Variants in ADAR observed in about 807,000 individuals in gnomAD.
The protein encoded by ADAR is adenosine deaminase RNA specific.
In ADAR, 41 loss-of-function variants were observed where a neutral mutation model predicts 113.2. The observed-to-expected ratio is 0.36, with a 90% CI of 0.28 to 0.47. ADAR has a LOEUF of 0.47. Among genes scored for constraint, ADAR ranks in the 20% least tolerant of loss-of-function variants. The probability of loss-of-function intolerance (pLI) is 1.00; values close to 1 mark genes in which losing one functional copy is unlikely to be tolerated. For synonymous variants in ADAR, 605 were observed against 572.6 expected (o/e 1.06, Z -0.81); for missense variants, 1,242 against 1,540.9 (o/e 0.81, Z 3.25).
intron 6 of ADAR, among the ~76,000 whole-genome samples, chr1:154,594,484 T>G (rs1300873427): frequency 6.6e-5 from 10 of 152,234 alleles, no homozygotes; most frequent in Admixed American, 6.5e-4. Flanking sequence ...GCCGGTTGCA[T>G]GGCAAGAGTG....
chr1:154,627,682 C>G (rs959538687), intron 1 of ADAR, among the ~76,000 whole-genome samples: 21 of 152,358 alleles, frequency 1.4e-4, no homozygotes, highest in African/African-American at 5.0e-4. Flanking sequence ...GCTGCCGAGA[C>G]CGGCCACTGT....
At chr1:154,586,856 T>C (rs1211028581) in intron 11 of ADAR, among the ~76,000 whole-genome samples, 7 of 151,946 alleles carry the variant, frequency 4.6e-5, no homozygotes, top group Admixed American at 4.6e-4. Context: ...GGACAGAGCA[T>C]ATGCGAGGGA....
Position 154,582,075 on chromosome 1 carries a change from CTTGT to C in ADAR, c.*2727_*2730del, listed in dbSNP as rs1273275103. 1 of 152,280 alleles carries C rather than the reference CTTGT, an allele frequency of 6.6e-6. No homozygotes were observed. Among genetic ancestry groups the C allele is most frequent in the Non-Finnish European group, 1.5e-5 (1 of 67,956 alleles). The allele number at this position is 152,280 out of a possible 1,614,324, so 9.4% of individuals were successfully genotyped here. On this transcript the variant is annotated 3_prime_UTR_variant, in exon 15 of 15. Coordinates refer to ENST00000368474, the MANE Select transcript of ADAR (RefSeq NM_001111.5). The stretch of plus-strand genomic sequence containing the variant: ...TTAAAACTTTCTAAGAATTCAGATT[CTTGT>C]TTTTTTTTTATTTATGAGGAATGTA...
chr1:154,587,531 C>A (rs1244605521), intron 11 of ADAR, among the ~76,000 whole-genome samples: 1 of 152,152 alleles, frequency 6.6e-6, no homozygotes, highest in Non-Finnish European at 1.5e-5. Flanking sequence ...AGCACCGGCT[C>A]CATGGTAACT....
chr1:154,583,338 A>G lies in ADAR; in HGVS notation c.*1468T>C, dbSNP rs945397798. 6 of 152,320 alleles carry G rather than the reference A, an allele frequency of 3.9e-5. No homozygotes were observed. The highest frequency in any genetic ancestry group is 3.4e-3 in the Middle Eastern group (1 of 294). The allele number at this position is 152,320 out of a possible 1,614,324, so 9.4% of individuals were successfully genotyped here. ...TGACCAACACTCTAAAAGCCAACAAAGTCCCTTCAACATGAGTAAAGGAAA... is the reference window on the plus strand; with the variant it reads ...TGACCAACACTCTAAAAGCCAACAAGGTCCCTTCAACATGAGTAAAGGAAA... On this transcript the variant is annotated 3_prime_UTR_variant, in exon 15 of 15. Transcript: ENST00000368474.
At position 154,590,292 on chromosome 1, in the gene ADAR, G is replaced by A. The variant is rs1251582638; in HGVS notation, c.2388C>T (p.Asn796=). 2.0e-5 allele frequency: 32 copies of A among 1,613,876 alleles called. No homozygotes were observed. The highest frequency in any genetic ancestry group is 2.3e-5 in the Non-Finnish European group (27 of 1,180,024). The change falls in exon 7 of 15, where the codon AAC becomes AAT. Residue 796 remains asparagine, a synonymous_variant. Coordinates refer to ENST00000368474, the MANE Select transcript of ADAR (RefSeq NM_001111.5). ...DAALRVLIGE[N]EKAERMGFTE... is the part of the protein sequence containing the mutation. ...TGAAACCCATGCGTTCTGCCTTCTC[G>A]TTCTCCCCAATCAAGACACGGAGAG...
chr1:154,613,634 G>A (rs945460888), intron 1 of ADAR, among the ~76,000 whole-genome samples: 12 of 152,126 alleles, frequency 7.9e-5, no homozygotes, highest in African/African-American at 2.7e-4. Flanking sequence ...GCCAGGCGCG[G>A]TGGCTCATGC....
intron 1 of ADAR, chr1:154,605,870 CA>C: frequency 1.7e-6 from 1 of 594,334 alleles, no homozygotes; most frequent in Non-Finnish European, 2.1e-6. Context: ...AATTGTGTTT[CA>C]AAGTGGCTAG....
At chr1:154,609,871 G>A (rs984460152), upstream of ADAR, among the ~76,000 whole-genome samples, 1 of 152,200 alleles carries the variant, frequency 6.6e-6, no homozygotes, top group African/African-American at 2.4e-5. Context: ...CAATTATCAT[G>A]TACTTCTTGT....
rs766835478 is a variant in ADAR at position 154,584,962 on chromosome 1, C to T, written c.3525G>A (p.Arg1175=). ...CACCATAGGAGAGTCTCAGTAGATC[C>T]CTGCGGTAACGGAAGGAGCAGAGCT... ...FKKLCSFRYR[R]DLLRLSYGEA... is the part of the protein sequence containing the mutation. Residue 1175 remains arginine, a synonymous_variant, in exon 15 of 15, where the codon AGG becomes AGA. Coordinates refer to ENST00000368474, the MANE Select transcript of ADAR (RefSeq NM_001111.5). The T allele has an allele frequency of 6.2e-7, 1 of 1,614,140 alleles. No homozygotes were observed. The highest frequency in any genetic ancestry group is 8.5e-7 in the Non-Finnish European group (1 of 1,180,022).
intron 1 of ADAR, among the ~76,000 whole-genome samples, chr1:154,606,301 G>T (rs1698186012): frequency 6.6e-6 from 1 of 152,068 alleles, no homozygotes; most frequent in Admixed American, 6.5e-5. Context: ...CAAAGTGCTG[G>T]GATTACAGGC....
intron 6 of ADAR, among the ~76,000 whole-genome samples, chr1:154,593,636 A>T (rs546468355): frequency 1.2e-4 from 18 of 152,226 alleles, no homozygotes; most frequent in Non-Finnish European, 2.1e-4. Context: ...ATGAATTAGT[A>T]GAAGAGCAGC....
chr1:154,588,709 A>G, intron 9 of ADAR, 36 bp from the exon 10 acceptor site: 1 of 1,613,848 alleles, frequency 6.2e-7, no homozygotes, highest in East Asian at 2.2e-5. Flanking sequence ...AGGCAGGTTC[A>G]ATTCTGGGAA....
chr1:154,585,659 GTTCCCC>G, intron 13 of ADAR, 88 bp downstream of exon 13: 1 of 1,140,430 alleles, frequency 8.8e-7, no homozygotes, highest in Non-Finnish European at 1.3e-6. Flanking sequence ...TGTGGGCAAT[GTTCCCC>G]TTGCCCACAG....
At chr1:154,626,988 T>C (rs1417906849) in intron 1 of ADAR, among the ~76,000 whole-genome samples, 1 of 152,204 alleles carries the variant, frequency 6.6e-6, no homozygotes, top group Non-Finnish European at 1.5e-5. Context: ...TGACCCGCTC[T>C]AGCAATCCTG....
At chr1:154,593,157 C>T (rs1464097408) in intron 6 of ADAR, among the ~76,000 whole-genome samples, 1 of 69,216 alleles carries the variant, frequency 1.4e-5, no homozygotes, top group Admixed American at 1.5e-4. Flanking sequence ...AAAAAAAAAA[C>T]AGAAAAGAAG....
chr1:154,627,901 C>CT (rs1422761911), exon 1 of ADAR: 2 of 518,500 alleles, frequency 3.9e-6, no homozygotes, highest in Middle Eastern at 3.6e-4. Context: ...CGGAGACTGC[C>CT]AGTGCGGCCG....
At chr1:154,609,249 CAA>C (rs1454545342), upstream of ADAR, among the ~76,000 whole-genome samples, 1 of 152,176 alleles carries the variant, frequency 6.6e-6, no homozygotes, top group South Asian at 2.1e-4. Context: ...TCTAGAGGGA[CAA>C]AAGTCAAATT....
Position 154,608,034 on chromosome 1 carries a change from A to C in ADAR, c.-28T>G, listed in dbSNP as rs920662274. ...CGCCCGCGAGGCATTGCCCGGCCCG[A>C]CCCGCCGGCGGCACGACCCTGGCCC... is the stretch of plus-strand genomic sequence containing the variant. On this transcript the variant is annotated 5_prime_UTR_variant, in exon 1 of 15. Transcript: ENST00000368474. The C allele has an allele frequency of 1.6e-5, 25 of 1,561,676 alleles. No individual in the cohort carries two copies. In the Middle Eastern group the frequency reaches 5.2e-4, roughly 33 times the overall value.
Sources: allele counts gnomAD v4.1 joint callset (sites outside exome capture counted in the v4.1 genomes callset), GRCh38; gene constraint gnomAD v4.1.1; transcripts MANE v1.5; gene names NCBI Gene and HGNC (gene_info 2026-07-23, HGNC 2026-07-21).